Variants in SLC44A5 observed in about 807,000 individuals in gnomAD.
The protein encoded by SLC44A5 is solute carrier family 44 member 5.
In SLC44A5, 57 loss-of-function variants were observed where a neutral mutation model predicts 101.8. The observed-to-expected ratio is 0.56, with a 90% CI of 0.45 to 0.70. The LOEUF is 0.70. Among genes scored for constraint, SLC44A5 ranks in the 30% least tolerant of loss-of-function variants. The pLI is 0.00. For missense variants in SLC44A5, 737 were observed against 853.1 expected, an observed-to-expected ratio of 0.86 and a Z score of 1.70; for synonymous variants, 281 against 290.9, an observed-to-expected ratio of 0.97 and a Z score of 0.35.
At chr1:75,319,249 A>G (rs1655952857) in intron 4 of SLC44A5, among the ~76,000 whole-genome samples, 1 of 152,196 alleles carries the variant, frequency 6.6e-6, no homozygotes, top group South Asian at 2.1e-4. Flanking sequence ...ATCCCTGGGC[A>G]AAAACATTCT....
chr1:75,395,440 A>G (rs1045373847), intron 3 of SLC44A5, among the ~76,000 whole-genome samples: 4 of 152,128 alleles, frequency 2.6e-5, no homozygotes, highest in African/African-American at 9.7e-5. Flanking sequence ...TAGCCTCTAC[A>G]AAAGTTTCTA....
At chr1:75,396,255 T>A (rs1419370432) in intron 3 of SLC44A5, among the ~76,000 whole-genome samples, 3 of 151,894 alleles carry the variant, frequency 2.0e-5, no homozygotes, top group Non-Finnish European at 4.4e-5. Flanking sequence ...GAGAGAGAGA[T>A]TTGAACAAGA....
chr1:75,677,710 C>G, the SLC44A5 span: 1 of 432,188 alleles, frequency 2.3e-6, no homozygotes, highest in Non-Finnish European at 4.6e-6. Flanking sequence ...AAAACAAGAC[C>G]CAGTGCAATC....
chr1:75,647,222 T>G, the SLC44A5 span, among the ~76,000 whole-genome samples: 2 of 152,266 alleles, frequency 1.3e-5, no homozygotes, highest in Non-Finnish European at 2.9e-5. Flanking sequence ...TTCAGAACGT[T>G]CAAGCCCCAA....
intron 7 of SLC44A5, among the ~76,000 whole-genome samples, chr1:75,247,205 G>A (rs1203888790): frequency 1.3e-5 from 2 of 151,950 alleles, no homozygotes; most frequent in Non-Finnish European, 2.9e-5. Flanking sequence ...AAATAGTTTG[G>A]CTCAGGGTAC....
At chr1:75,657,807 A>G in the SLC44A5 span, among the ~76,000 whole-genome samples, 1 of 152,118 alleles carries the variant, frequency 6.6e-6, no homozygotes, top group Non-Finnish European at 1.5e-5. Flanking sequence ...GAAGAAGTAG[A>G]CTGCAATACA....
chr1:75,366,824 T>G (rs1188112187), intron 3 of SLC44A5, among the ~76,000 whole-genome samples: 1 of 152,226 alleles, frequency 6.6e-6, no homozygotes, highest in Non-Finnish European at 1.5e-5. Flanking sequence ...CTCTATTAAA[T>G]TTTTCAGTTC....
intron 2 of SLC44A5, among the ~76,000 whole-genome samples, chr1:75,446,121 C>A (rs1326017966): frequency 6.6e-6 from 1 of 152,192 alleles, no homozygotes; most frequent in Non-Finnish European, 1.5e-5. Flanking sequence ...TAGTTCTACT[C>A]CCAGTCCTGG....
the SLC44A5 span, among the ~76,000 whole-genome samples, chr1:75,696,390 T>G: frequency 6.6e-6 from 1 of 152,240 alleles, no homozygotes; most frequent in Non-Finnish European, 1.5e-5. Context: ...GTTAAAAGAC[T>G]TTATGACTAT....
At chr1:75,520,892 C>T (rs1321746069) in intron 2 of SLC44A5, among the ~76,000 whole-genome samples, 1 of 152,026 alleles carries the variant, frequency 6.6e-6, no homozygotes, top group East Asian at 1.9e-4. Context: ...CCAACTCTGT[C>T]CTATTTTAGA....
At chr1:75,539,656 A>G (rs996043669) in intron 2 of SLC44A5, among the ~76,000 whole-genome samples, 3 of 151,828 alleles carry the variant, frequency 2.0e-5, no homozygotes, top group Non-Finnish European at 4.4e-5. Context: ...TCAAGCCTTG[A>G]GTAATGGCTC....
chr1:75,275,472 T>C (rs1357054681), intron 5 of SLC44A5, among the ~76,000 whole-genome samples: 2 of 152,154 alleles, frequency 1.3e-5, no homozygotes, highest in Non-Finnish European at 2.9e-5. Context: ...CATTAAAAAA[T>C]TCAAAGGGAT....
At chr1:75,217,345 G>T (rs1272695453) in intron 18 of SLC44A5, among the ~76,000 whole-genome samples, 4 of 152,002 alleles carry the variant, frequency 2.6e-5, no homozygotes, top group Admixed American at 6.6e-5. Flanking sequence ...TTTGAAATCA[G>T]GAAGTATGAG....
chr1:75,309,036 C>T (rs1286280612), intron 4 of SLC44A5, among the ~76,000 whole-genome samples: 1 of 151,896 alleles, frequency 6.6e-6, no homozygotes, highest in East Asian at 1.9e-4. Flanking sequence ...GTAATTTATA[C>T]CATGGGCATA....
At chr1:75,203,934 T>TTTG (rs34350348) in intron 23 of SLC44A5, 101 bp from the exon 24 acceptor site, 888,803 of 1,070,072 alleles carry the variant, frequency 0.83, 354,567 homozygotes, top group Admixed American at 0.85. Context: ...TCAAAATCCT[T>TTTG]TTGTTGTTTT....
intron 13 of SLC44A5, among the ~76,000 whole-genome samples, 172 bp downstream of exon 13, chr1:75,227,554 T>G (rs1647234397): frequency 6.6e-6 from 1 of 152,160 alleles, no homozygotes; most frequent in African/African-American, 2.4e-5. Flanking sequence ...ACAATAAATT[T>G]TCCTCAATGA....
intron 2 of SLC44A5, among the ~76,000 whole-genome samples, chr1:75,524,966 T>C (rs1423197027): frequency 6.6e-6 from 1 of 152,124 alleles, no homozygotes; most frequent in Non-Finnish European, 1.5e-5. Flanking sequence ...TATAAATATA[T>C]CCTGCTTCTT....
intron 6 of SLC44A5, among the ~76,000 whole-genome samples, chr1:75,273,875 G>T (rs573022893): frequency 7.4e-4 from 113 of 152,132 alleles, no homozygotes; most frequent in Non-Finnish European, 5.6e-4. Flanking sequence ...TAATATTAGG[G>T]TGATACGGGC....
chr1:75,406,524 G>A (rs1157166637), intron 2 of SLC44A5, among the ~76,000 whole-genome samples: 8 of 152,006 alleles, frequency 5.3e-5, no homozygotes, highest in East Asian at 1.9e-4. Context: ...CAATCAAGTC[G>A]GCTTTATCCC....
Sources: allele counts gnomAD v4.1 joint callset (sites outside exome capture counted in the v4.1 genomes callset), GRCh38; gene constraint gnomAD v4.1.1; transcripts MANE v1.5; gene names NCBI Gene and HGNC (gene_info 2026-07-23, HGNC 2026-07-21).